Variants in CHRM5 observed in about 807,000 individuals in gnomAD.
CHRM5 encodes muscarinic acetylcholine receptor M5.
CHRM5 carries 18 observed loss-of-function variants against 39.0 expected under a neutral mutation model. That is an observed-to-expected ratio of 0.46 (90% confidence interval 0.32 to 0.68). The LOEUF is 0.68. CHRM5 is among the 30% of genes least tolerant of loss of function. CHRM5 has a pLI of 0.04. For missense variants in CHRM5, 515 were observed against 651.1 expected, an observed-to-expected ratio of 0.79 and a Z score of 2.28; for synonymous variants, 241 against 246.3, an observed-to-expected ratio of 0.98 and a Z score of 0.20.
intron 1 of CHRM5, among the ~76,000 whole-genome samples, chr15:34,045,855 T>C (rs1434898866): frequency 1.3e-5 from 2 of 152,226 alleles, no homozygotes; most frequent in Non-Finnish European, 2.9e-5. Flanking sequence ...TTGTAATGTA[T>C]TGACAGCAGA....
chr15:34,043,516 C>T (rs151057807), intron 1 of CHRM5, among the ~76,000 whole-genome samples: 1 of 152,166 alleles, frequency 6.6e-6, no homozygotes, highest in African/African-American at 2.4e-5. Flanking sequence ...TTGAACAGCT[C>T]CATCTACTAC....
In CHRM5 at chr15:34,064,353, A is replaced by G. The variant is rs149043556; in HGVS notation, c.*37A>G. On this transcript the variant is annotated 3_prime_UTR_variant, in exon 3 of 3. Transcript: ENST00000383263. ...CTCCTCTCGAAAGAACAATGACCACAGTCAACATCCTCTGAGGATGAGCAA... is the reference window on the plus strand; with the variant it reads ...CTCCTCTCGAAAGAACAATGACCACGGTCAACATCCTCTGAGGATGAGCAA... 5.2e-4 allele frequency: 816 copies of G among 1,574,392 alleles called. 3 individuals are homozygous for G. In the African/African-American group the frequency reaches 0.01, roughly 20 times the overall value.
chr15:34,063,309 G>A lies in CHRM5; in HGVS notation c.592G>A (p.Ala198Thr). The change falls in exon 3 of 3, where the codon GCC (alanine) becomes ACC (threonine). Residue 198 changes from alanine to threonine, a missense_variant. By Grantham distance (58) the Ala-to-Thr change is moderately conservative. Coordinates refer to ENST00000383263, the MANE Select transcript of CHRM5 (RefSeq NM_012125.4). The surrounding 1 kb of genome is among the most constrained non-coding windows in gnomAD (Gnocchi z 4.1). ...TGAGCCCACCATCACTTTTGGCACT[G>A]CCATTGCTGCCTTCTACATCCCTGT... Reference protein sequence around the residue: ...LSEPTITFGTAIAAFYIPVSV... With the variant: ...LSEPTITFGTTIAAFYIPVSV... 8.1e-6 allele frequency: 13 copies of A among 1,614,108 alleles called. No individual in the cohort carries two copies. Among genetic ancestry groups the A allele is most frequent in the Non-Finnish European group, 1.1e-5 (13 of 1,180,024 alleles).
chr15:33,996,734 C>T (rs1896952433), intron 1 of CHRM5, among the ~76,000 whole-genome samples: 2 of 152,240 alleles, frequency 1.3e-5, no homozygotes, highest in Admixed American at 1.3e-4. Context: ...GTAGATAAAA[C>T]CACAAAGATG....
At chr15:33,980,180 C>A (rs549568661) in intron 1 of CHRM5, among the ~76,000 whole-genome samples, 26 of 152,268 alleles carry the variant, frequency 1.7e-4, no homozygotes, top group African/African-American at 5.1e-4. Context: ...GAGCTGAAGA[C>A]ACATTAAAGT....
intron 1 of CHRM5, among the ~76,000 whole-genome samples, chr15:34,034,290 T>C (rs1175057174): frequency 1.3e-5 from 2 of 151,754 alleles, no homozygotes; most frequent in African/African-American, 4.8e-5. Context: ...AATATAAAAA[T>C]ATTAGTTGGG....
intron 2 of CHRM5, among the ~76,000 whole-genome samples, chr15:34,060,968 A>G (rs1206029348): frequency 6.6e-6 from 1 of 151,728 alleles, no homozygotes; most frequent in Non-Finnish European, 1.5e-5. Context: ...GTGAGCCGAG[A>G]TAGCGCCACT....
At chr15:34,034,825 A>C (rs1899041121) in intron 1 of CHRM5, among the ~76,000 whole-genome samples, 1 of 152,242 alleles carries the variant, frequency 6.6e-6, no homozygotes, top group Non-Finnish European at 1.5e-5. Flanking sequence ...ATCTTAAAGC[A>C]ATCTTCTGTT....
intron 1 of CHRM5, among the ~76,000 whole-genome samples, chr15:33,996,574 G>C (rs1051532897): frequency 3.9e-5 from 6 of 152,230 alleles, no homozygotes; most frequent in Admixed American, 3.3e-4. Context: ...GGCCTGGAGT[G>C]GACCTCCCAC....
At position 34,065,795 on chromosome 15, in the gene CHRM5, A is replaced by T. The variant is rs896511766; in HGVS notation, c.*1479A>T. ...AGCAGTAGTGTGGTACACAGCAAGG[A>T]TTTTAAAGATGAAGCACTCCTGTCA... On this transcript the variant is annotated 3_prime_UTR_variant, in exon 3 of 3. Coordinates refer to ENST00000383263, the MANE Select transcript of CHRM5 (RefSeq NM_012125.4). 1 of 152,226 alleles carries T rather than the reference A, an allele frequency of 6.6e-6. No homozygotes were observed. Among genetic ancestry groups the T allele is most frequent in the African/African-American group, 2.4e-5 (1 of 41,452 alleles). The allele number at this position is 152,226 out of a possible 1,614,324, so 9.4% of individuals were successfully genotyped here.
intron 1 of CHRM5, among the ~76,000 whole-genome samples, chr15:33,977,484 G>A (rs1895935972): frequency 2.0e-5 from 3 of 151,998 alleles, no homozygotes; most frequent in Non-Finnish European, 2.9e-5. Flanking sequence ...CTTTTGTTAG[G>A]AGGCTATGAC....
intron 1 of CHRM5, among the ~76,000 whole-genome samples, chr15:34,032,086 G>T (rs1472959203): frequency 6.6e-6 from 1 of 151,908 alleles, no homozygotes; most frequent in East Asian, 1.9e-4. Flanking sequence ...AACTAATCCA[G>T]TGCCGTAATA....
intron 2 of CHRM5, among the ~76,000 whole-genome samples, chr15:34,055,461 C>T (rs571470702): frequency 7.9e-5 from 12 of 151,816 alleles, no homozygotes; most frequent in Non-Finnish European, 1.0e-4. Flanking sequence ...GCTGTGATCA[C>T]GCCACTGCAT....
At chr15:34,030,396 A>T (rs1898723963) in intron 1 of CHRM5, among the ~76,000 whole-genome samples, 2 of 151,784 alleles carry the variant, frequency 1.3e-5, no homozygotes, top group Non-Finnish European at 2.9e-5. Flanking sequence ...CCCAGGCTGG[A>T]GTGCAGTGGC....
In CHRM5 at chr15:34,057,503, G is replaced by A. The variant is rs367975258; in HGVS notation, c.-75-5140G>A. Among the ~76,000 whole-genome samples, 5 of 152,226 alleles carry A rather than the reference G, an allele frequency of 3.3e-5. No homozygotes were observed. The East Asian group carries it at 9.7e-4, about 29-fold the overall frequency. ...TACTTTGTAGTGAACATTCCCTTGT[G>A]TCAGGCACTGGCTGAATACAACATG... On this transcript the variant is annotated intron_variant, in intron 2 of 2. Coordinates refer to ENST00000383263, the MANE Select transcript of CHRM5 (RefSeq NM_012125.4).
intron 2 of CHRM5, among the ~76,000 whole-genome samples, chr15:34,059,222 A>C (rs1203718557): frequency 6.6e-6 from 1 of 152,190 alleles, no homozygotes; most frequent in Non-Finnish European, 1.5e-5. Context: ...ATGAGGAAAC[A>C]GATGAAAAAG....
At chr15:33,981,996 A>G (rs12438655) in intron 1 of CHRM5, among the ~76,000 whole-genome samples, 38,311 of 151,266 alleles carry the variant, frequency 0.25, 6,507 homozygotes, top group African/African-American at 0.47. Flanking sequence ...GACTACAGGT[A>G]CATGCCACCA....
intron 2 of CHRM5, among the ~76,000 whole-genome samples, chr15:34,047,992 G>C (rs1899774842): frequency 6.6e-6 from 1 of 151,896 alleles, no homozygotes; most frequent in South Asian, 2.1e-4. Context: ...GAGTAGCTGG[G>C]ACTACAGGCA....
intron 1 of CHRM5, among the ~76,000 whole-genome samples, chr15:33,997,997 C>T (rs12050692): frequency 0.21 from 31,821 of 152,068 alleles, 5,138 homozygotes; most frequent in African/African-American, 0.45. Flanking sequence ...TCCTTGACAA[C>T]TATTTCTTAC....
Sources: gnomAD v4.1 joint callset for allele counts (sites outside exome capture counted in the v4.1 genomes callset) on GRCh38, gnomAD v4.1.1 for gene constraint, Gnocchi (gnomAD v3.1) non-coding constraint, MANE v1.5 for transcripts, NCBI Gene and HGNC (gene_info 2026-07-23, HGNC 2026-07-21) for gene names.